The following NDUFA10 variants were observed in gnomAD, a reference collection of about 807,000 sequenced individuals.
The protein encoded by NDUFA10 is NADH:ubiquinone oxidoreductase subunit A10.
Under a neutral mutation model 47.8 loss-of-function variants are expected in NDUFA10, and 40 were observed. That is an observed-to-expected ratio of 0.84 (90% CI 0.65 to 1.09). The LOEUF is 1.09. Among genes scored for constraint, NDUFA10 ranks in the 50% least tolerant of loss-of-function variants. The pLI is 0.00. For missense variants in NDUFA10, 413 were observed against 451.1 expected, an observed-to-expected ratio of 0.92 and a Z score of 0.76; for synonymous variants, 183 against 172.2, an observed-to-expected ratio of 1.06 and a Z score of -0.49.
At chr2:239,997,917 T>A (rs964440642) in intron 8 of NDUFA10, among the ~76,000 whole-genome samples, 1 of 152,220 alleles carries the variant, frequency 6.6e-6, no homozygotes, top group Non-Finnish European at 1.5e-5. Flanking sequence ...CTGATTTGCA[T>A]CTCAATCAAT....
At chr2:239,942,400 A>T (rs1694374071) in intron 4 of NDUFA10, among the ~76,000 whole-genome samples, 1 of 152,266 alleles carries the variant, frequency 6.6e-6, no homozygotes, top group Non-Finnish European at 1.5e-5. Flanking sequence ...CAGGAGCCAC[A>T]CTTGGAGAAC....
rs1262211533 is a variant in NDUFA10 at position 239,990,083 on chromosome 2, C to CTGA, written c.987_989dup (p.His329dup). ...ATTTCCACAGTCTTACCTCTCTGAA[C>CTGA]TGATGTAAGACACGGTCAGTCTGAT... On this transcript the variant is annotated inframe_insertion, in exon 9 of 10. Coordinates refer to ENST00000252711, the MANE Select transcript of NDUFA10 (RefSeq NM_004544.4). 1.9e-6 allele frequency: 3 copies of CTGA among 1,606,556 alleles called. No individual in the cohort carries two copies. Among genetic ancestry groups the CTGA allele is most frequent in the Non-Finnish European group, 2.6e-6 (3 of 1,173,112 alleles).
intron 1 of NDUFA10, among the ~76,000 whole-genome samples, chr2:240,023,037 G>A (rs1224095003): frequency 6.6e-6 from 1 of 152,130 alleles, no homozygotes; most frequent in African/African-American, 2.4e-5. Flanking sequence ...GCCTCCCTAT[G>A]CCATGTGCTG....
chr2:239,915,018 A>G (rs1029902657), intron 4 of NDUFA10, among the ~76,000 whole-genome samples: 4 of 139,400 alleles, frequency 2.9e-5, no homozygotes, highest in African/African-American at 1.1e-4. Context: ...AGAGACACAC[A>G]GAGATACACA....
At chr2:239,982,100 A>T in intron 9 of NDUFA10, 1 of 1,612,544 alleles carries the variant, frequency 6.2e-7, no homozygotes, top group Non-Finnish European at 8.5e-7. Flanking sequence ...CAAACCAGTG[A>T]CCTGACACGT....
chr2:239,978,440 G>A (rs567900525), intron 9 of NDUFA10, among the ~76,000 whole-genome samples: 1 of 152,210 alleles, frequency 6.6e-6, no homozygotes. Flanking sequence ...GGCGCCCAGG[G>A]CCCACACAGT....
At chr2:240,018,053 T>A (rs1697437285) in intron 4 of NDUFA10, 4 of 688,844 alleles carry the variant, frequency 5.8e-6, no homozygotes, top group Non-Finnish European at 1.0e-5. Context: ...TCCTTTCCAT[T>A]TGCCACTTGT....
At chr2:239,893,322 C>T (rs993935808) in intron 5 of NDUFA10, among the ~76,000 whole-genome samples, 15 of 152,160 alleles carry the variant, frequency 9.9e-5, no homozygotes, top group African/African-American at 3.6e-4. Flanking sequence ...ACCATGTGCC[C>T]ACCTCTGAGC....
At chr2:239,937,470 G>A (rs527291087) in intron 4 of NDUFA10, among the ~76,000 whole-genome samples, 6 of 152,100 alleles carry the variant, frequency 3.9e-5, no homozygotes, top group South Asian at 2.1e-4. Flanking sequence ...CATACACTAT[G>A]TGCTTTTTGT....
intron 8 of NDUFA10, among the ~76,000 whole-genome samples, chr2:239,994,202 C>A (rs1696373215): frequency 2.6e-5 from 4 of 152,114 alleles, no homozygotes; most frequent in Admixed American, 2.6e-4. Context: ...AGCCTCCGGG[C>A]CACAAACCTC....
intron 4 of NDUFA10, among the ~76,000 whole-genome samples, chr2:239,948,015 A>C (rs1429166602): frequency 6.6e-6 from 1 of 152,200 alleles, no homozygotes; most frequent in Non-Finnish European, 1.5e-5. Flanking sequence ...CAAGTTAGCC[A>C]ATTTACATCC....
At chr2:239,953,071 G>A (rs113934335), downstream of NDUFA10, among the ~76,000 whole-genome samples, 3,165 of 152,292 alleles carry the variant, frequency 0.021, 105 homozygotes, top group African/African-American at 0.071. Context: ...AAGGACAGCC[G>A]CATCCTGATC....
intron 4 of NDUFA10, among the ~76,000 whole-genome samples, chr2:239,940,044 G>A (rs1291522746): frequency 5.9e-5 from 9 of 152,208 alleles, no homozygotes; most frequent in Admixed American, 4.6e-4. Flanking sequence ...GCTTCCCACC[G>A]CCTCTGAGGA....
Position 239,958,882 on chromosome 2 carries a change from T to G in NDUFA10, c.*2236A>C. 2.5e-5 allele frequency: 23 copies of G among 935,610 alleles called. No individual in the cohort carries two copies. Among genetic ancestry groups the G allele is most frequent in the South Asian group, 4.9e-5 (1 of 20,258 alleles). The allele number at this position is 935,610 out of a possible 1,614,324, so 58.0% of individuals were successfully genotyped here. A position where few individuals can be genotyped will look rare whatever the true frequency, so the allele number is the denominator to read the frequency against. ...GATTATTTCCTGATCTCCAAAGCAC[T>G]GAGAAGTCCAACATGGAATCCTGGA... On this transcript the variant is annotated 3_prime_UTR_variant, in exon 10 of 10. Transcript: ENST00000252711.
At chr2:240,019,806 G>A (rs1255391609) in intron 3 of NDUFA10, among the ~76,000 whole-genome samples, 1 of 19,142 alleles carries the variant, frequency 5.2e-5, no homozygotes, top group Non-Finnish European at 9.9e-5. Context: ...GCGACAGAGC[G>A]AGACTCCGTC....
rs541218728 is a variant in NDUFA10 at position 239,958,864 on chromosome 2, T to A, written c.*2254A>T. ...ATACTGCTGCAACAGCATGATTATT[T>A]CCTGATCTCCAAAGCACTGAGAAGT... On this transcript the variant is annotated 3_prime_UTR_variant, in exon 10 of 10. Coordinates refer to ENST00000252711, the MANE Select transcript of NDUFA10 (RefSeq NM_004544.4). The A allele has an allele frequency of 2.3e-6, 2 of 859,038 alleles. No individual in the cohort carries two copies. Among genetic ancestry groups the A allele is most frequent in the South Asian group, 5.3e-5 (1 of 18,728 alleles). 53.2% of individuals were successfully genotyped at this position (859,038 alleles called of 1,614,324 possible).
intron 4 of NDUFA10, among the ~76,000 whole-genome samples, chr2:239,925,142 C>A (rs1386902800): frequency 1.3e-5 from 2 of 152,082 alleles, no homozygotes; most frequent in African/African-American, 4.8e-5. Context: ...TAGTGTAGTT[C>A]TTATTAAAAT....
chr2:239,945,587 A>G lies in NDUFA10; in HGVS notation c.294+44487T>C, dbSNP rs1559303030. Among the ~76,000 whole-genome samples, 1 of 152,128 alleles carries G rather than the reference A, an allele frequency of 6.6e-6. No homozygotes were observed. The highest frequency in any genetic ancestry group is 1.5e-5 in the Non-Finnish European group (1 of 68,018). Reference sequence around the variant, plus strand: ...GATCCTGGGGGCTGAGGCTCCCTCCAGGGAGGACTTGGCCACACACTGGTC... The same window carrying G: ...GATCCTGGGGGCTGAGGCTCCCTCCGGGGAGGACTTGGCCACACACTGGTC... On this transcript the variant is annotated intron_variant, in intron 4 of 5. Transcript: ENST00000419408. The surrounding 1 kb of genome is among the most constrained non-coding windows in gnomAD (Gnocchi z 4.6).
intron 4 of NDUFA10, among the ~76,000 whole-genome samples, chr2:239,899,324 A>T (rs1400939650): frequency 2.5e-4 from 1 of 3,974 alleles, no homozygotes; most frequent in African/African-American, 1.1e-3. Flanking sequence ...GATGGAGGGG[A>T]GTCATGGAGG....
Sources: allele counts gnomAD v4.1 joint callset (sites outside exome capture counted in the v4.1 genomes callset), GRCh38; gene constraint gnomAD v4.1.1; non-coding constraint Gnocchi (gnomAD v3.1); transcripts MANE v1.5; gene names NCBI Gene and HGNC (gene_info 2026-07-23, HGNC 2026-07-21).